AKAP19: variants seen among roughly 807,000 people sequenced by gnomAD.
AKAP19 encodes the protein small A-kinase anchoring protein.
the AKAP19 span, among the ~76,000 whole-genome samples, chr2:190,127,071 T>C: frequency 1.3e-5 from 2 of 151,830 alleles, no homozygotes; most frequent in African/African-American, 4.8e-5. Flanking sequence ...TGTTAAGGGA[T>C]ATATAGCTGC....
the AKAP19 span, among the ~76,000 whole-genome samples, chr2:189,925,098 A>G: frequency 6.6e-6 from 1 of 152,160 alleles, no homozygotes; most frequent in Non-Finnish European, 1.5e-5. Context: ...CGTATTGCAC[A>G]TATGAAAGTG....
the AKAP19 span, among the ~76,000 whole-genome samples, chr2:190,017,781 T>G: frequency 6.6e-6 from 1 of 152,322 alleles, no homozygotes; most frequent in East Asian, 1.9e-4. Context: ...TGTTATTACT[T>G]AGCAGCATTT....
the AKAP19 span, among the ~76,000 whole-genome samples, chr2:189,909,669 A>G: frequency 6.6e-6 from 1 of 152,032 alleles, no homozygotes; most frequent in Non-Finnish European, 1.5e-5. Context: ...TTGATGTCAT[A>G]GTTTACACTT....
At chr2:190,007,911 G>A in the AKAP19 span, among the ~76,000 whole-genome samples, 18 of 152,286 alleles carry the variant, frequency 1.2e-4, no homozygotes, top group South Asian at 1.2e-3. Context: ...GCAGTGAGCC[G>A]AGATCATGCC....
chr2:190,062,248 T>C, the AKAP19 span: 2 of 1,613,068 alleles, frequency 1.2e-6, no homozygotes, highest in East Asian at 4.5e-5. Flanking sequence ...GTAATGATTG[T>C]TTCCGTTGTA....
the AKAP19 span, among the ~76,000 whole-genome samples, chr2:190,082,463 A>T: frequency 6.6e-6 from 1 of 152,228 alleles, no homozygotes; most frequent in South Asian, 2.1e-4. Flanking sequence ...CAGTTGATAT[A>T]GTTAATAGTA....
the AKAP19 span, among the ~76,000 whole-genome samples, chr2:189,914,978 G>A: frequency 1.3e-5 from 2 of 152,016 alleles, no homozygotes; most frequent in South Asian, 4.1e-4. Flanking sequence ...TTATACTGAG[G>A]GGAAATTACG....
chr2:189,883,513 T>C, the AKAP19 span, among the ~76,000 whole-genome samples: 1 of 151,248 alleles, frequency 6.6e-6, no homozygotes, highest in Non-Finnish European at 1.5e-5. Context: ...TCCTGTTTTT[T>C]TTTTTTTTTT....
chr2:190,168,617 C>T, the AKAP19 span, among the ~76,000 whole-genome samples: 181 of 152,328 alleles, frequency 1.2e-3, no homozygotes, highest in African/African-American at 4.2e-3. Context: ...CCCAAGTCAC[C>T]TCTTGAATGC....
chr2:190,017,875 T>A, the AKAP19 span, among the ~76,000 whole-genome samples: 3,903 of 152,264 alleles, frequency 0.026, 172 homozygotes, highest in East Asian at 0.17. Context: ...TTTGTTTGTC[T>A]GGGAAAGTTT....
chr2:190,093,841 A>G, the AKAP19 span, among the ~76,000 whole-genome samples: 1 of 152,226 alleles, frequency 6.6e-6, no homozygotes, highest in Non-Finnish European at 1.5e-5. Flanking sequence ...TTGCCTTGGT[A>G]GCTTGACCAC....
chr2:190,203,125 C>A, the AKAP19 span: 1 of 167,008 alleles, frequency 6.0e-6, no homozygotes, highest in Non-Finnish European at 1.5e-5. Context: ...TATCATTGGC[C>A]TTTTATCAAA....
chr2:189,985,248 C>T, the AKAP19 span, among the ~76,000 whole-genome samples: 1 of 152,162 alleles, frequency 6.6e-6, no homozygotes, highest in Non-Finnish European at 1.5e-5. Flanking sequence ...CTCAGTTTTC[C>T]ATACAGAGCT....
chr2:189,914,143 A>T, the AKAP19 span, among the ~76,000 whole-genome samples: 1 of 152,084 alleles, frequency 6.6e-6, no homozygotes, highest in African/African-American at 2.4e-5. Flanking sequence ...CTGTCTCACA[A>T]TATAGTGATT....
the AKAP19 span, among the ~76,000 whole-genome samples, chr2:190,009,891 A>C: frequency 6.6e-6 from 1 of 152,200 alleles, no homozygotes; most frequent in East Asian, 1.9e-4. Context: ...CAAGAGAAAA[A>C]AAAAAAGCAA....
At chr2:189,922,126 C>T in the AKAP19 span, among the ~76,000 whole-genome samples, 1 of 152,016 alleles carries the variant, frequency 6.6e-6, no homozygotes, top group South Asian at 2.1e-4. Flanking sequence ...GAAGAAATAG[C>T]ATATACAAAA....
the AKAP19 span, chr2:190,199,716 A>G: frequency 6.8e-7 from 1 of 1,471,832 alleles, no homozygotes. Context: ...ACACGTGAAG[A>G]GTGGTGAAAG....
At chr2:190,044,399 G>T in the AKAP19 span, among the ~76,000 whole-genome samples, 5 of 152,168 alleles carry the variant, frequency 3.3e-5, no homozygotes, top group Non-Finnish European at 5.9e-5. Flanking sequence ...AGCAGTGTGG[G>T]GCCCATGGGA....
chr2:190,106,189 G>A, the AKAP19 span, among the ~76,000 whole-genome samples: 5 of 152,148 alleles, frequency 3.3e-5, no homozygotes, highest in East Asian at 1.9e-4. Context: ...GGATTTAACC[G>A]TATTTTTGTG....
Sources: allele counts gnomAD v4.1 joint callset (sites outside exome capture counted in the v4.1 genomes callset), GRCh38; gene constraint gnomAD v4.1.1; transcripts MANE v1.5; gene names NCBI Gene and HGNC (gene_info 2026-07-23, HGNC 2026-07-21).